Variants in TBC1D8B observed in about 807,000 individuals in gnomAD.
The protein encoded by TBC1D8B is RP11-321G1.1.
In TBC1D8B, 75 loss-of-function variants were observed where a neutral mutation model predicts 82.9. That is an observed-to-expected ratio of 0.90 (90% CI 0.75 to 1.10). The LOEUF (loss-of-function observed/expected upper bound fraction) is 1.10, where lower values mean the gene tolerates loss of function less well. Among genes scored for constraint, TBC1D8B ranks in the 50% least tolerant of loss-of-function variants. The pLI is 0.00. For missense variants in TBC1D8B, 794 were observed against 796.9 expected (o/e 1.00, Z 0.04); for synonymous variants, 276 against 276.8 (o/e 1.00, Z 0.03).
At chrX:106,850,592 A>G (rs1371315912) in intron 12 of TBC1D8B, among the ~76,000 whole-genome samples, 5 of 111,932 alleles carry the variant, frequency 4.5e-5, no homozygotes, top group Non-Finnish European at 9.4e-5. Context: ...TTTGAGCTAT[A>G]AAGTGTCTAT....
At chrX:106,845,006 G>A (rs778973747) in intron 10 of TBC1D8B, among the ~76,000 whole-genome samples, 57 of 109,906 alleles carry the variant, frequency 5.2e-4, no homozygotes, top group Admixed American at 2.0e-3. Flanking sequence ...TAATTTGTTG[G>A]CATATAATTT....
At chrX:106,833,967 A>T (rs374808110) in intron 7 of TBC1D8B, among the ~76,000 whole-genome samples, 3 of 87,664 alleles carry the variant, frequency 3.4e-5, no homozygotes, top group Admixed American at 1.1e-4. Context: ...ATAAGCATTT[A>T]AAAAAAAAAA....
At chrX:106,859,597 T>G (rs1263330185) in intron 14 of TBC1D8B, among the ~76,000 whole-genome samples, 4 of 112,026 alleles carry the variant, frequency 3.6e-5, no homozygotes, top group Non-Finnish European at 7.5e-5. Flanking sequence ...GCTTTTGGGC[T>G]GAGACTTTGG....
At chrX:106,829,349 G>T (rs757018954) in intron 7 of TBC1D8B, 75 of 104,531 alleles carry the variant, frequency 7.2e-4, no homozygotes, top group Non-Finnish European at 1.2e-3. Context: ...AATCAATATC[G>T]TGAAAATGGC....
At chrX:106,841,517 C>A (rs1371767287) in intron 10 of TBC1D8B, among the ~76,000 whole-genome samples, 1 of 110,706 alleles carries the variant, frequency 9.0e-6, no homozygotes, top group Non-Finnish European at 1.9e-5. Flanking sequence ...GAAAAAAAAT[C>A]AATAAGGTAG....
intron 14 of TBC1D8B, 87 bp downstream of exon 14, chrX:106,854,383 A>C: frequency 1.7e-6 from 1 of 575,438 alleles, no homozygotes; most frequent in East Asian, 4.2e-5. Context: ...TGGGCGAATA[A>C]AATGAAAAGG....
At chrX:106,847,850 G>A (rs1014282521) in intron 10 of TBC1D8B, among the ~76,000 whole-genome samples, 10 of 111,724 alleles carry the variant, frequency 9.0e-5, no homozygotes, top group Non-Finnish European at 1.7e-4. Flanking sequence ...GTTTTAGTAT[G>A]TCTTTGAAAA....
At chrX:106,860,773 G>A (rs1286971011) in intron 14 of TBC1D8B, among the ~76,000 whole-genome samples, 1 of 110,789 alleles carries the variant, frequency 9.0e-6, no homozygotes, top group African/African-American at 3.3e-5. Flanking sequence ...CTAGCTTTGG[G>A]ATTGGTTTGT....
chrX:106,870,843 G>T, intron 20 of TBC1D8B, 30 bp downstream of exon 20: 1 of 1,068,008 alleles, frequency 9.4e-7, no homozygotes. Context: ...AAAATTCTAA[G>T]TTCTTGCTTT....
At chrX:106,817,104 C>A (rs919444764) in intron 1 of TBC1D8B, among the ~76,000 whole-genome samples, 3 of 111,575 alleles carry the variant, frequency 2.7e-5, no homozygotes, top group African/African-American at 9.8e-5. Context: ...GCAAAACCAA[C>A]ACTCAACCAA....
chrX:106,875,289 ACCT>A lies in TBC1D8B; in HGVS notation c.*1328_*1330del, dbSNP rs1444432592. 8.9e-6 allele frequency: 1 copy of A among 111,789 alleles called. No individual in the cohort carries two copies. Among genetic ancestry groups the A allele is most frequent in the Non-Finnish European group, 1.9e-5 (1 of 53,128 alleles). 9.2% of individuals were successfully genotyped at this position (111,789 alleles called of 1,213,427 possible). ...TAGATGTGAAACCATGAAAGGGCAGACCTCCTTCAGAGTGACTCAAGAGGTCTC... is the reference window on the plus strand; with the variant it reads ...TAGATGTGAAACCATGAAAGGGCAGACCTTCAGAGTGACTCAAGAGGTCTC... On this transcript the variant is annotated 3_prime_UTR_variant, in exon 21 of 21. Coordinates refer to ENST00000357242, the MANE Select transcript of TBC1D8B (RefSeq NM_017752.3).
At position 106,875,552 on chromosome X, in the gene TBC1D8B, A is replaced by G. The variant is rs777879837; in HGVS notation, c.*1587A>G. On this transcript the variant is annotated 3_prime_UTR_variant, in exon 21 of 21. Transcript: ENST00000357242. Reference sequence around the variant, plus strand: ...CAAGGAAATTACCACTTAAAGAGATAGTTGGTAAATAAACATCTATGCCTT... The same window carrying G: ...CAAGGAAATTACCACTTAAAGAGATGGTTGGTAAATAAACATCTATGCCTT... 3.6e-5 allele frequency: 4 copies of G among 112,433 alleles called. No homozygotes were observed. The highest frequency in any genetic ancestry group is 9.7e-5 in the African/African-American group (3 of 31,064). 9.3% of individuals were successfully genotyped at this position (112,433 alleles called of 1,213,427 possible).
chrX:106,869,495 T>G lies in TBC1D8B; in HGVS notation c.2823T>G (p.Pro941=), dbSNP rs148547661. The part of the protein sequence containing the change: ...LYFSQLHVSK[P]ANEKEAESAK... ...CATCTTTTCTTATAGTTTCCAAGCC[T>G]GCAAATGAGAAGGAAGCAGAATCAG... The change falls in exon 19 of 21, where the codon CCT becomes CCG. Residue 941 remains proline, a synonymous_variant. Transcript: ENST00000357242. 1 of 1,206,338 alleles carries G rather than the reference T, an allele frequency of 8.3e-7. No homozygotes were observed. Among genetic ancestry groups the G allele is most frequent in the African/African-American group, 1.7e-5 (1 of 57,149 alleles).
Position 106,822,022 on chromosome X carries a change from G to A in TBC1D8B, c.406G>A (p.Asp136Asn), listed in dbSNP as rs1931706817. 1.7e-6 allele frequency: 2 copies of A among 1,209,052 alleles called. No individual in the cohort carries two copies. The highest frequency in any genetic ancestry group is 2.2e-6 in the Non-Finnish European group (2 of 894,602). The change falls in exon 4 of 21, where the codon GAT becomes AAT. Residue 136 changes from aspartate to asparagine, a missense_variant. Coordinates refer to ENST00000357242, the MANE Select transcript of TBC1D8B (RefSeq NM_017752.3). The part of the protein sequence containing the change: ...EGKHCFAKED[D>N]PEKFREALLK... The stretch of plus-strand genomic sequence containing the variant: ...AAAACATTGTTTTGCAAAAGAAGAT[G>A]ATCCTGAGAAATTTCGAGAAGCCCT...
At chrX:106,828,098 A>T (rs748876458) in intron 7 of TBC1D8B, 56 of 111,606 alleles carry the variant, frequency 5.0e-4, no homozygotes, top group African/African-American at 1.7e-3. Context: ...ATAAAAAATG[A>T]TAAAGGGGAT....
Position 106,828,921 on chromosome X carries a change from T to C in TBC1D8B, c.1203+1584T>C, listed in dbSNP as rs769941983. On this transcript the variant is annotated intron_variant, in intron 7 of 20. Coordinates refer to ENST00000357242, the MANE Select transcript of TBC1D8B (RefSeq NM_017752.3). ...CCTCTCTCACCACTCCTATTCAACA[T>C]AGTGTTGGAAGTTCTGGCCAGGGCA... The C allele has an allele frequency of 1.6e-3, 170 of 107,168 alleles. 2 individuals carry two copies. The highest frequency in any genetic ancestry group is 6.0e-3 in the African/African-American group (164 of 27,243). 8.8% of individuals were successfully genotyped at this position (107,168 alleles called of 1,213,427 possible).
At chrX:106,821,697 C>G (rs1399851559) in intron 3 of TBC1D8B, among the ~76,000 whole-genome samples, 1 of 111,955 alleles carries the variant, frequency 8.9e-6, no homozygotes, top group South Asian at 3.7e-4. Flanking sequence ...CTAAAGTCAT[C>G]TCTAGACTAT....
intron 20 of TBC1D8B, among the ~76,000 whole-genome samples, chrX:106,871,864 G>A (rs889673107): frequency 8.9e-6 from 1 of 111,784 alleles, no homozygotes; most frequent in African/African-American, 3.3e-5. Flanking sequence ...CAAATAAACA[G>A]CCAGAAGAAG....
intron 7 of TBC1D8B, 91 bp from the exon 8 acceptor site, chrX:106,839,217 G>T (rs905801498): frequency 1.8e-5 from 17 of 926,080 alleles, no homozygotes; most frequent in Non-Finnish European, 2.3e-5. Flanking sequence ...TATACAGATT[G>T]TGGCTTATAA....
Sources: allele counts gnomAD v4.1 joint callset (sites outside exome capture counted in the v4.1 genomes callset), GRCh38; gene constraint gnomAD v4.1.1; transcripts MANE v1.5; gene names NCBI Gene and HGNC (gene_info 2026-07-23, HGNC 2026-07-21).